The following KDM7A variants were observed in gnomAD, a reference collection of about 807,000 sequenced individuals.
KDM7A encodes lysine demethylase 7A, also known as lysine-specific demethylase 7A.
KDM7A carries 28 observed loss-of-function variants against 114.8 expected under a neutral mutation model. The ratio of observed to expected loss-of-function variants is 0.24; its 90% confidence interval spans 0.18 to 0.33. KDM7A has a LOEUF of 0.33. KDM7A is among the 10% of genes least tolerant of loss of function. KDM7A has a pLI of 1.00. For synonymous variants in KDM7A, 423 were observed against 397.8 expected, an observed-to-expected ratio of 1.06 and a Z score of -0.75; for missense variants, 942 against 1,142.5, an observed-to-expected ratio of 0.82 and a Z score of 2.53.
chr7:140,127,531 T>C lies in KDM7A; in HGVS notation c.612A>G (p.Lys204=), dbSNP rs1818726500. The C allele has an allele frequency of 1.9e-6, 3 of 1,613,952 alleles. No individual in the cohort carries two copies. The highest frequency in any genetic ancestry group is 2.5e-6 in the Non-Finnish European group (3 of 1,179,830). ...VIDVARQADS[K]MTLHNYVKYF... ...ATTTAACATAATTGTGAAGTGTCATTTTGCTGTCTGCCTGCCTCGCCACAT... is the reference window on the plus strand; with the variant it reads ...ATTTAACATAATTGTGAAGTGTCATCTTGCTGTCTGCCTGCCTCGCCACAT... Residue 204 remains lysine, a synonymous_variant, in exon 5 of 20, where the codon AAA becomes AAG. Coordinates refer to ENST00000397560, the MANE Select transcript of KDM7A (RefSeq NM_030647.2).
chr7:140,132,465 T>C (rs778591088), intron 3 of KDM7A, among the ~76,000 whole-genome samples: 1 of 152,096 alleles, frequency 6.6e-6, no homozygotes, highest in African/African-American at 2.4e-5. Flanking sequence ...AAATTATACA[T>C]ACCATTTTAG....
Position 140,085,241 on chromosome 7 carries a change from C to T in KDM7A, c.*5853G>A, listed in dbSNP as rs1817906782. 1 of 152,122 alleles carries T rather than the reference C, an allele frequency of 6.6e-6. No individual in the cohort carries two copies. Among genetic ancestry groups the T allele is most frequent in the African/African-American group, 2.4e-5 (1 of 41,374 alleles). 9.4% of individuals were successfully genotyped at this position (152,122 alleles called of 1,614,324 possible). ...GACACCCCCAACAAGAAGAACAGTCCCCTCGGACCGTGGGCATAAAAACCA... is the reference window on the plus strand; with the variant it reads ...GACACCCCCAACAAGAAGAACAGTCTCCTCGGACCGTGGGCATAAAAACCA... On this transcript the variant is annotated 3_prime_UTR_variant, in exon 20 of 20. Transcript: ENST00000397560.
At chr7:140,150,750 A>G (rs1012408672) in intron 1 of KDM7A, among the ~76,000 whole-genome samples, 1 of 152,154 alleles carries the variant, frequency 6.6e-6, no homozygotes, top group Non-Finnish European at 1.5e-5. Flanking sequence ...GTTTATTTTT[A>G]AAAAGAAAAA....
chr7:140,139,825 A>G (rs1246732015), intron 1 of KDM7A, among the ~76,000 whole-genome samples: 2 of 152,230 alleles, frequency 1.3e-5, no homozygotes, highest in Admixed American at 6.5e-5. Flanking sequence ...AAGATAAAAG[A>G]GAAAAGGCAT....
intron 7 of KDM7A, 52 bp downstream of exon 7, chr7:140,124,569 A>T: frequency 8.6e-6 from 12 of 1,398,092 alleles, no homozygotes; most frequent in Non-Finnish European, 1.2e-5. Context: ...TTAAAAGCCA[A>T]CTCCATGTGA....
At chr7:140,131,040 G>GT (rs919521254) in intron 3 of KDM7A, among the ~76,000 whole-genome samples, 31 of 128,824 alleles carry the variant, frequency 2.4e-4, no homozygotes, top group African/African-American at 8.2e-4. Flanking sequence ...TTTTGTTTTT[G>GT]TTTTTTTTAG....
chr7:140,130,053 T>C (rs1009436640), intron 3 of KDM7A, among the ~76,000 whole-genome samples: 1 of 152,162 alleles, frequency 6.6e-6, no homozygotes, highest in Non-Finnish European at 1.5e-5. Flanking sequence ...CGATTAGGGA[T>C]GCTCAGCTGC....
At chr7:140,171,953 A>C (rs1422422116) in intron 1 of KDM7A, among the ~76,000 whole-genome samples, 1 of 152,188 alleles carries the variant, frequency 6.6e-6, no homozygotes, top group Non-Finnish European at 1.5e-5. Context: ...TTTGGGGACA[A>C]CATGAAAAAT....
intron 1 of KDM7A, among the ~76,000 whole-genome samples, chr7:140,144,781 G>A (rs1411140644): frequency 2.0e-5 from 3 of 151,858 alleles, no homozygotes; most frequent in Non-Finnish European, 2.9e-5. Flanking sequence ...GGTGGAGCCC[G>A]GTGTGAATTG....
chr7:140,131,239 CAA>C (rs1818781607), intron 3 of KDM7A, among the ~76,000 whole-genome samples: 1 of 152,132 alleles, frequency 6.6e-6, no homozygotes, highest in Admixed American at 6.5e-5. Context: ...CTCTGATGAT[CAA>C]CACGTTACAG....
chr7:140,114,170 G>A (rs1024547469), intron 9 of KDM7A, among the ~76,000 whole-genome samples: 6 of 151,858 alleles, frequency 4.0e-5, no homozygotes, highest in African/African-American at 1.5e-4. Flanking sequence ...TATAGAAAAC[G>A]CCCCTCCCCC....
chr7:140,156,045 T>C (rs1794454454), intron 1 of KDM7A, among the ~76,000 whole-genome samples: 1 of 152,230 alleles, frequency 6.6e-6, no homozygotes, highest in African/African-American at 2.4e-5. Flanking sequence ...GTTGCAACAG[T>C]TTTCATGCTA....
At chr7:140,123,177 G>A (rs1017195248) in intron 7 of KDM7A, among the ~76,000 whole-genome samples, 1 of 152,120 alleles carries the variant, frequency 6.6e-6, no homozygotes, top group Non-Finnish European at 1.5e-5. Flanking sequence ...TAGAATAGAA[G>A]GCAATTACAG....
intron 12 of KDM7A, 24 bp from the exon 13 acceptor site, chr7:140,100,047 A>C (rs760833875): frequency 6.2e-7 from 1 of 1,613,494 alleles, no homozygotes; most frequent in South Asian, 1.1e-5. Context: ...TGCAGAACTT[A>C]CTTACCATCC....
chr7:140,135,345 G>A (rs190321809), intron 2 of KDM7A, among the ~76,000 whole-genome samples: 1 of 151,596 alleles, frequency 6.6e-6, no homozygotes, highest in Non-Finnish European at 1.5e-5. Flanking sequence ...CTGGACTACA[G>A]GGGTGTGCCA....
intron 4 of KDM7A, among the ~76,000 whole-genome samples, chr7:140,128,498 G>A (rs575423896): frequency 1.1e-4 from 17 of 152,344 alleles, no homozygotes; most frequent in South Asian, 6.2e-4. Flanking sequence ...CTATCAAGCA[G>A]TTTGAGCATT....
At chr7:140,124,882 G>A in intron 6 of KDM7A, 99 bp from the exon 7 acceptor site, 2 of 698,878 alleles carry the variant, frequency 2.9e-6, no homozygotes, top group Non-Finnish European at 2.3e-6. Flanking sequence ...AAATTAAATT[G>A]GATAATTATC....
chr7:140,136,073 T>A lies in KDM7A; in HGVS notation c.281-2417A>T, dbSNP rs1205160178. Among the ~76,000 whole-genome samples, 3 of 152,146 alleles carry A rather than the reference T, an allele frequency of 2.0e-5. No individual in the cohort carries two copies. In the East Asian group the frequency reaches 5.8e-4, roughly 29 times the overall value. On this transcript the variant is annotated intron_variant, in intron 2 of 19. Transcript: ENST00000397560. ...CTCCTGGGCTCAAGCAATCCTCCTATCTCAGCAACCCCAGTAGTTAATTTT... is the reference window on the plus strand; with the variant it reads ...CTCCTGGGCTCAAGCAATCCTCCTAACTCAGCAACCCCAGTAGTTAATTTT...
Position 140,091,017 on chromosome 7 carries a change from G to T in KDM7A, c.*77C>A. 1 of 999,284 alleles carries T rather than the reference G, an allele frequency of 1.0e-6. No homozygotes were observed. 61.9% of individuals were successfully genotyped at this position (999,284 alleles called of 1,614,324 possible). A position where few individuals can be genotyped will look rare whatever the true frequency, so the allele number is the denominator to read the frequency against. On this transcript the variant is annotated 3_prime_UTR_variant, in exon 20 of 20. Transcript: ENST00000397560. ...TATACACACAAACTGCTCCAGGCAGGGGGACAGCGGAAGCTCCAGGCTCCT... is the reference window on the plus strand; with the variant it reads ...TATACACACAAACTGCTCCAGGCAGTGGGACAGCGGAAGCTCCAGGCTCCT...
Sources: allele counts gnomAD v4.1 joint callset (sites outside exome capture counted in the v4.1 genomes callset), GRCh38; gene constraint gnomAD v4.1.1; transcripts MANE v1.5; gene names NCBI Gene and HGNC (gene_info 2026-07-23, HGNC 2026-07-21).